AGPAT3: variants seen among roughly 807,000 people sequenced by gnomAD.
AGPAT3 encodes 1-acyl-sn-glycerol-3-phosphate acyltransferase gamma.
A neutral mutation model predicts 47.3 loss-of-function variants in AGPAT3; 5 were observed. The ratio of observed to expected loss-of-function variants is 0.11; its 90% CI spans 0.06 to 0.22. The LOEUF is 0.22. Ranked by LOEUF, AGPAT3 falls within the 10% of genes least tolerant of loss-of-function variation. AGPAT3 has a pLI of 1.00. For synonymous variants in AGPAT3, 212 were observed against 208.3 expected, an observed-to-expected ratio of 1.02 and a Z score of -0.15; for missense variants, 315 against 493.0, an observed-to-expected ratio of 0.64 and a Z score of 3.42.
In AGPAT3 at chr21:43,905,191, T is replaced by G. The variant is rs554829072; in HGVS notation, c.-49+1172T>G. Among the ~76,000 whole-genome samples the G allele has an allele frequency of 3.2e-3, 482 of 148,434 alleles. 5 individuals carry two copies. Among genetic ancestry groups the G allele is most frequent in the South Asian group, 2.5e-3 (12 of 4,762 alleles). On this transcript the variant is annotated intron_variant, in intron 2 of 9. Coordinates refer to ENST00000291572, the MANE Select transcript of AGPAT3 (RefSeq NM_020132.5). ...TTTATTTATTTATTTATTTATTTAT[T>G]TATTTATTTATTTATTTTGAGACAG...
chr21:43,941,667 A>G (rs1486034648), intron 2 of AGPAT3, among the ~76,000 whole-genome samples: 1 of 152,208 alleles, frequency 6.6e-6, no homozygotes, highest in Non-Finnish European at 1.5e-5. Context: ...CCCAGGAGCA[A>G]CCGCTCACTC....
chr21:43,906,223 C>T (rs79343939), intron 2 of AGPAT3, among the ~76,000 whole-genome samples: 4 of 152,024 alleles, frequency 2.6e-5, no homozygotes, highest in African/African-American at 7.2e-5. Flanking sequence ...GTGAGTAACT[C>T]GATATTCACC....
intron 2 of AGPAT3, among the ~76,000 whole-genome samples, chr21:43,951,306 T>C (rs1205532176): frequency 6.6e-6 from 1 of 152,238 alleles, no homozygotes; most frequent in African/African-American, 2.4e-5. Context: ...GAAATCCATA[T>C]GGAACTAAGA....
At chr21:43,931,294 C>T (rs1396010442) in intron 2 of AGPAT3, among the ~76,000 whole-genome samples, 4 of 152,166 alleles carry the variant, frequency 2.6e-5, no homozygotes, top group African/African-American at 9.7e-5. Context: ...TTCGCTCGGT[C>T]ACTGGCATGA....
chr21:43,895,308 C>T (rs2086190595), intron 1 of AGPAT3, among the ~76,000 whole-genome samples: 1 of 151,780 alleles, frequency 6.6e-6, no homozygotes, highest in South Asian at 2.1e-4. Context: ...AGTGTTTCAC[C>T]ATGTTGCCCA....
intron 2 of AGPAT3, among the ~76,000 whole-genome samples, chr21:43,911,456 G>A (rs779432334): frequency 6.6e-6 from 1 of 152,258 alleles, no homozygotes; most frequent in African/African-American, 2.4e-5. Flanking sequence ...AGCGAGGCCT[G>A]TCTGGGAAGA....
At chr21:43,917,768 G>T (rs2086766260) in intron 2 of AGPAT3, among the ~76,000 whole-genome samples, 1 of 150,872 alleles carries the variant, frequency 6.6e-6, no homozygotes, top group African/African-American at 2.5e-5. Flanking sequence ...CGGCAGAACT[G>T]TGTTGGGGTG....
intron 2 of AGPAT3, among the ~76,000 whole-genome samples, chr21:43,940,467 G>C (rs542654455): frequency 7.9e-4 from 120 of 152,332 alleles, no homozygotes; most frequent in Non-Finnish European, 1.5e-3. Flanking sequence ...ACTCCTGGGA[G>C]GTAGGGAAGC....
At chr21:43,940,043 G>T (rs1182946034) in intron 2 of AGPAT3, among the ~76,000 whole-genome samples, 1 of 152,210 alleles carries the variant, frequency 6.6e-6, no homozygotes, top group Non-Finnish European at 1.5e-5. Flanking sequence ...TGCTGGCCAC[G>T]CAGGTGGCAC....
chr21:43,968,086 A>G lies in AGPAT3; in HGVS notation c.319A>G (p.Thr107Ala), dbSNP rs1036068586. The change falls in exon 4 of 10, where the codon ACC becomes GCC. Residue 107 changes from threonine to alanine, a missense_variant. By Grantham distance (58) the Thr-to-Ala change is moderately conservative. Transcript: ENST00000291572. ...CGAGATCGACTTCCTCTGTGGGTGG[A>G]CCATGTGTGAGCGCTTCGGAGTGCT... ...NFEIDFLCGW[T>A]MCERFGVLGS... The G allele has an allele frequency of 5.0e-6, 8 of 1,613,430 alleles. No homozygotes were observed. The highest frequency in any genetic ancestry group is 6.8e-6 in the Non-Finnish European group (8 of 1,179,894).
At position 43,955,215 on chromosome 21, in the gene AGPAT3, A is replaced by G. The variant is rs1176699829; in HGVS notation, c.-48-4419A>G. The G allele has an allele frequency of 8.1e-7, 1 of 1,240,216 alleles. No homozygotes were observed. The highest frequency in any genetic ancestry group is 6.5e-5 in the East Asian group (1 of 15,400). The allele number at this position is 1,240,216 out of a possible 1,614,324, so 76.8% of individuals were successfully genotyped here. A position where few individuals can be genotyped will look rare whatever the true frequency, so the allele number is the denominator to read the frequency against. On this transcript the variant is annotated intron_variant, in intron 2 of 9. Coordinates refer to ENST00000291572, the MANE Select transcript of AGPAT3 (RefSeq NM_020132.5). This position sits in a 1 kb window ranked among gnomAD's most constrained non-coding sequence, Gnocchi z 4.1. ...GACCGGCTGGGCCAGATGCCATGGG[A>G]TTCTGTGTTTGTGAACCTCTAGAAA...
chr21:43,953,508 A>T (rs2088302485), intron 2 of AGPAT3, among the ~76,000 whole-genome samples: 1 of 152,234 alleles, frequency 6.6e-6, no homozygotes, highest in African/African-American at 2.4e-5. Context: ...TACATATTTC[A>T]TTGCAGAATA....
At chr21:43,924,986 C>T (rs2087005895) in intron 2 of AGPAT3, 1 of 152,294 alleles carries the variant, frequency 6.6e-6, no homozygotes, top group African/African-American at 2.4e-5. Context: ...GCGAGTCCTT[C>T]CTCACTGCAC....
At chr21:43,867,229 C>T (rs1213120636) in intron 1 of AGPAT3, 5 of 152,248 alleles carry the variant, frequency 3.3e-5, no homozygotes, top group East Asian at 1.9e-4. Context: ...GTTACTTGCC[C>T]GAGGTTGTGT....
chr21:43,890,682 G>C (rs1172203145), intron 1 of AGPAT3, among the ~76,000 whole-genome samples: 1 of 150,548 alleles, frequency 6.6e-6, no homozygotes, highest in East Asian at 1.9e-4. Flanking sequence ...CAAATTGCTA[G>C]GATTACAGGT....
rs1279057932 is a variant in AGPAT3, at chr21:43,869,589, C to T, written c.-112+4244C>T. Among the ~76,000 whole-genome samples, 47 of 152,168 alleles carry T rather than the reference C, an allele frequency of 3.1e-4. 2 individuals carry two copies. The highest frequency in any genetic ancestry group is 3.1e-3 in the Admixed American group (47 of 15,276). ...CAGAGGATGGTGGGGGAGCACCAGA[C>T]CTCCAGGCAGGTCTGACCCCCGTGA... On this transcript the variant is annotated intron_variant, in intron 1 of 9. Transcript: ENST00000291572.
chr21:43,901,393 G>C (rs978667035), intron 1 of AGPAT3, among the ~76,000 whole-genome samples: 9 of 151,612 alleles, frequency 5.9e-5, no homozygotes, highest in African/African-American at 2.2e-4. Context: ...GATAGAGCTA[G>C]CAGGCAAGCA....
At chr21:43,900,105 A>T (rs2086316521) in intron 1 of AGPAT3, among the ~76,000 whole-genome samples, 1 of 152,190 alleles carries the variant, frequency 6.6e-6, no homozygotes, top group Non-Finnish European at 1.5e-5. Context: ...GAAAAAGGCA[A>T]ATGCTTTTGT....
chr21:43,925,130 T>A (rs1272144018), intron 2 of AGPAT3: 1 of 152,330 alleles, frequency 6.6e-6, no homozygotes, highest in East Asian at 1.9e-4. Context: ...GTGCCCACCC[T>A]GGCAGGACTC....
Sources: allele counts gnomAD v4.1 joint callset (sites outside exome capture counted in the v4.1 genomes callset), GRCh38; gene constraint gnomAD v4.1.1; non-coding constraint Gnocchi (gnomAD v3.1); transcripts MANE v1.5; gene names NCBI Gene and HGNC (gene_info 2026-07-23, HGNC 2026-07-21).